DGKG: variants seen among roughly 807,000 people sequenced by gnomAD.
DGKG encodes DAG kinase gamma.
DGKG carries 78 observed loss-of-function variants against 105.3 expected under a neutral mutation model. The observed-to-expected ratio is 0.74, with a 90% confidence interval of 0.62 to 0.89. The LOEUF is 0.89. Among genes scored for constraint, DGKG ranks in the 40% least tolerant of loss-of-function variants. DGKG has a pLI of 0.00. For synonymous variants in DGKG, 346 were observed against 367.1 expected, an observed-to-expected ratio of 0.94 and a Z score of 0.66; for missense variants, 958 against 1,020.1, an observed-to-expected ratio of 0.94 and a Z score of 0.83.
In DGKG at chr3:186,288,809, G is replaced by A; in HGVS notation, c.445C>T (p.Pro149Ser). 2 of 1,612,874 alleles carry A rather than the reference G, an allele frequency of 1.2e-6. No individual in the cohort carries two copies. Residue 149 changes from proline to serine, a missense_variant, in exon 6 of 25, where the codon CCT becomes TCT. Physicochemically the swap from Pro to Ser is moderately conservative, Grantham distance 74. Around this residue, in one of 2 missense-constraint regions of DGKG, gnomAD observed 643 missense variants for 619.5 expected, o/e 1.04. Coordinates refer to ENST00000265022, the MANE Select transcript of DGKG (RefSeq NM_001346.3). ...VAATPLEPPV[P>S]RSSSSESPVV... ...GGGGATTCCGAGCTTGAAGACCGAG[G>A]GACGGGGGGTTCCAGGGGGGTCGCA...
intron 13 of DGKG, among the ~76,000 whole-genome samples, chr3:186,266,162 C>A (rs1722046382): frequency 6.6e-6 from 1 of 152,162 alleles, no homozygotes; most frequent in Non-Finnish European, 1.5e-5. Context: ...TCAAGCATAA[C>A]CCTGTTGTGA....
At chr3:186,209,513 C>T (rs887639101) in intron 21 of DGKG, among the ~76,000 whole-genome samples, 11 of 152,082 alleles carry the variant, frequency 7.2e-5, no homozygotes, top group African/African-American at 1.4e-4. Context: ...GAAATAAAGG[C>T]TATGGTGGGG....
chr3:186,317,265 C>T (rs1316853492), intron 2 of DGKG, among the ~76,000 whole-genome samples: 1 of 152,218 alleles, frequency 6.6e-6, no homozygotes, highest in Non-Finnish European at 1.5e-5. Context: ...AGAGGCATAC[C>T]TTAAGCCTCA....
intron 5 of DGKG, 95 bp from the exon 6 acceptor site, chr3:186,288,975 G>T: frequency 8.1e-7 from 1 of 1,241,444 alleles, no homozygotes; most frequent in East Asian, 2.5e-5. Context: ...GTAGAGGCAA[G>T]AATTTTGTAG....
At chr3:186,266,008 T>G (rs901281321) in intron 13 of DGKG, among the ~76,000 whole-genome samples, 1 of 152,206 alleles carries the variant, frequency 6.6e-6, no homozygotes, top group African/African-American at 2.4e-5. Context: ...TCTAATGATA[T>G]GATATTGTCA....
chr3:186,308,292 C>T (rs146104108), intron 2 of DGKG, among the ~76,000 whole-genome samples: 3 of 152,274 alleles, frequency 2.0e-5, no homozygotes, highest in African/African-American at 7.2e-5. Context: ...ATTAAAAACA[C>T]ATTATGAATG....
chr3:186,222,104 C>A (rs1050879324), intron 20 of DGKG, among the ~76,000 whole-genome samples: 1 of 152,216 alleles, frequency 6.6e-6, no homozygotes, highest in African/African-American at 2.4e-5. Context: ...TAGACTGGAA[C>A]GGGATCACAG....
intron 2 of DGKG, among the ~76,000 whole-genome samples, chr3:186,316,455 G>T (rs1292933495): frequency 6.6e-6 from 1 of 152,148 alleles, no homozygotes; most frequent in Admixed American, 6.5e-5. Flanking sequence ...AAACATGCTA[G>T]TGCTGGTTAT....
Position 186,207,089 on chromosome 3 carries a change from G to C in DGKG, c.1917+4706C>G, listed in dbSNP as rs114555596. Among the ~76,000 whole-genome samples the C allele has an allele frequency of 9.5e-3, 1,452 of 152,182 alleles. 23 individuals carry two copies. The highest frequency in any genetic ancestry group is 0.033 in the African/African-American group (1,380 of 41,486). On this transcript the variant is annotated intron_variant, in intron 21 of 24. Transcript: ENST00000265022. ...TAATTAGGGCCCACAATGATTTATG[G>C]AGCACCCAGTTTCCAGGTACAGCAC...
rs1727210909 is a variant in DGKG, at chr3:186,361,119, A to T, written c.-249+827T>A. On this transcript the variant is annotated intron_variant, in intron 1 of 24. Transcript: ENST00000265022. The surrounding 1 kb of genome is among the most constrained non-coding windows in gnomAD (Gnocchi z 6.8). ...CCGCAGCTCATCCCTCCCATCTGGG[A>T]GGTGGTTCTAGCTCTAGTCCCAAGC... 6.6e-6 allele frequency among the ~76,000 whole-genome samples: 1 copy of T among 152,234 alleles called. No homozygotes were observed. Among genetic ancestry groups the T allele is most frequent in the South Asian group, 2.1e-4 (1 of 4,820 alleles).
intron 17 of DGKG, among the ~76,000 whole-genome samples, chr3:186,256,606 C>A (rs1482594112): frequency 6.6e-6 from 1 of 152,218 alleles, no homozygotes; most frequent in Non-Finnish European, 1.5e-5. Flanking sequence ...GGGACCCTCC[C>A]AGTATAAAAG....
intron 1 of DGKG, among the ~76,000 whole-genome samples, chr3:186,347,535 A>G (rs1411718721): frequency 1.3e-5 from 2 of 148,924 alleles, no homozygotes; most frequent in Non-Finnish European, 3.0e-5. Context: ...ATCTTATTTT[A>G]TACTTTTTAT....
At chr3:186,265,346 G>T (rs1721995287) in intron 13 of DGKG, 40 bp from the exon 14 acceptor site, 1 of 1,583,754 alleles carries the variant, frequency 6.3e-7, no homozygotes, top group Non-Finnish European at 8.7e-7. Context: ...TTTGGAAAAA[G>T]AAGCCTAACA....
rs57031388 is a variant in DGKG, at chr3:186,303,771, C to T, written c.144+3130G>A. ...GAATCACTTGGTACTGATGGGCAAG[C>T]GCATGTTCATCACGGCCAGATGCAG... is the stretch of plus-strand genomic sequence containing the variant. On this transcript the variant is annotated intron_variant, in intron 3 of 24. Coordinates refer to ENST00000265022, the MANE Select transcript of DGKG (RefSeq NM_001346.3). Among the ~76,000 whole-genome samples, 348 of 152,208 alleles carry T rather than the reference C, an allele frequency of 2.3e-3. 2 individuals are homozygous for T. Among genetic ancestry groups the T allele is most frequent in the African/African-American group, 8.0e-3 (333 of 41,520 alleles).
At chr3:186,330,121 G>A (rs993731226) in intron 1 of DGKG, among the ~76,000 whole-genome samples, 1 of 152,170 alleles carries the variant, frequency 6.6e-6, no homozygotes, top group African/African-American at 2.4e-5. Flanking sequence ...AAGAACAGAA[G>A]ATGCAAGTTG....
intron 22 of DGKG, among the ~76,000 whole-genome samples, chr3:186,187,095 C>T (rs1257027931): frequency 6.6e-6 from 1 of 152,186 alleles, no homozygotes; most frequent in Non-Finnish European, 1.5e-5. Context: ...ATACGGGGCC[C>T]TCTAGGCCAC....
At chr3:186,299,841 T>TC (rs1560142111) in intron 3 of DGKG, among the ~76,000 whole-genome samples, 22 of 74,646 alleles carry the variant, frequency 2.9e-4, no homozygotes, top group African/African-American at 1.1e-3. Flanking sequence ...TTCTTTCTTT[T>TC]TTTTTTTTTT....
At position 186,147,710 on chromosome 3, in the gene DGKG, G is replaced by C. The variant is rs987948233; in HGVS notation, c.*2380C>G. 41 of 985,260 alleles carry C rather than the reference G, an allele frequency of 4.2e-5. No homozygotes were observed. Among genetic ancestry groups the C allele is most frequent in the Non-Finnish European group, 4.7e-5 (39 of 829,934 alleles). The allele number at this position is 985,260 out of a possible 1,614,324, so 61.0% of individuals were successfully genotyped here. ...TCTCTGAGAATCAATTTCACCTGTTGATAGTGCCATGTCTCAATAGCCTCA... is the reference window on the plus strand; with the variant it reads ...TCTCTGAGAATCAATTTCACCTGTTCATAGTGCCATGTCTCAATAGCCTCA... On this transcript the variant is annotated 3_prime_UTR_variant, in exon 25 of 25. Coordinates refer to ENST00000265022, the MANE Select transcript of DGKG (RefSeq NM_001346.3).
intron 21 of DGKG, among the ~76,000 whole-genome samples, chr3:186,194,347 GA>G (rs1718066962): frequency 2.6e-5 from 4 of 152,356 alleles, no homozygotes; most frequent in Admixed American, 2.6e-4. Flanking sequence ...CCCTCGCCAA[GA>G]GGGACCCGGA....
Sources: allele counts gnomAD v4.1 joint callset (sites outside exome capture counted in the v4.1 genomes callset), GRCh38; gene constraint gnomAD v4.1.1; regional missense constraint gnomAD v4.1.1; non-coding constraint Gnocchi (gnomAD v3.1); transcripts MANE v1.5; gene names NCBI Gene and HGNC (gene_info 2026-07-23, HGNC 2026-07-21).